DAB1: variants seen among roughly 807,000 people sequenced by gnomAD.
DAB1 encodes the protein DAB adaptor protein 1.
A neutral mutation model predicts 64.6 loss-of-function variants in DAB1; 15 were observed. The observed-to-expected ratio is 0.23, with a 90% CI of 0.16 to 0.36. The LOEUF is 0.36. Among genes scored for constraint, DAB1 ranks in the 10% least tolerant of loss-of-function variants. The probability of loss-of-function intolerance (pLI) is 1.00; values close to 1 mark genes in which losing one functional copy is unlikely to be tolerated. For missense variants in DAB1, 596 were observed against 706.7 expected (o/e 0.84, Z 1.78); for synonymous variants, 235 against 251.9 (o/e 0.93, Z 0.64).
intron 4 of DAB1, among the ~76,000 whole-genome samples, chr1:57,092,907 C>CTTTT (rs1653823821): frequency 6.6e-6 from 1 of 152,088 alleles, no homozygotes; most frequent in Non-Finnish European, 1.5e-5. Context: ...CCTTTCCAGG[C>CTTTT]CTTCCTTTTC....
At chr1:58,235,616 TC>T (rs1299581561) in intron 4 of DAB1, among the ~76,000 whole-genome samples, 3 of 152,166 alleles carry the variant, frequency 2.0e-5, no homozygotes, top group African/African-American at 7.2e-5. Flanking sequence ...AAATGATCTC[TC>T]TTGGTTTCTC....
At chr1:57,125,146 C>T (rs1557765296) in intron 4 of DAB1, among the ~76,000 whole-genome samples, 1 of 152,184 alleles carries the variant, frequency 6.6e-6, no homozygotes, top group Non-Finnish European at 1.5e-5. Context: ...TTTTCCCTCT[C>T]ATCCCTCAGT....
intron 6 of DAB1, among the ~76,000 whole-genome samples, chr1:57,665,847 A>ATC (rs201686723): frequency 0.3 from 35,346 of 118,324 alleles, 5,073 homozygotes; most frequent in Non-Finnish European, 0.39. Context: ...TTTTTTAATT[A>ATC]TCTGTGTGTG....
At chr1:57,913,126 G>A (rs528235920) in intron 5 of DAB1, among the ~76,000 whole-genome samples, 54 of 152,086 alleles carry the variant, frequency 3.6e-4, no homozygotes, top group African/African-American at 5.8e-4. Flanking sequence ...AAAAGAGCCC[G>A]CATTGCCAAA....
At chr1:58,408,937 T>TG in intron 3 of DAB1, among the ~76,000 whole-genome samples, 1 of 152,282 alleles carries the variant, frequency 6.6e-6, no homozygotes, top group Middle Eastern at 3.4e-3. Flanking sequence ...AAAAAAGTTC[T>TG]GGGGGGAACA....
chr1:57,074,243 A>T (rs1057363860), intron 4 of DAB1, among the ~76,000 whole-genome samples: 1 of 152,216 alleles, frequency 6.6e-6, no homozygotes, highest in African/African-American at 2.4e-5. Flanking sequence ...TCTTACTGGC[A>T]CTTAGTTATG....
chr1:57,973,189 C>A (rs1219135796), intron 5 of DAB1, among the ~76,000 whole-genome samples: 1 of 152,048 alleles, frequency 6.6e-6, no homozygotes, highest in Non-Finnish European at 1.5e-5. Flanking sequence ...GAAGACAGGG[C>A]AGAAAGAGAT....
At chr1:58,159,583 C>T (rs1426289674) in intron 4 of DAB1, among the ~76,000 whole-genome samples, 2 of 152,234 alleles carry the variant, frequency 1.3e-5, no homozygotes, top group African/African-American at 2.4e-5. Context: ...CTCAACATTA[C>T]TGCAATGTAA....
chr1:58,450,701 C>A (rs1645125784), intron 3 of DAB1, among the ~76,000 whole-genome samples: 1 of 152,180 alleles, frequency 6.6e-6, no homozygotes, highest in African/African-American at 2.4e-5. Context: ...TTGCAGTGAG[C>A]TGAGATCGCG....
chr1:57,774,949 A>G (rs957745270), intron 6 of DAB1, among the ~76,000 whole-genome samples: 2 of 151,694 alleles, frequency 1.3e-5, no homozygotes, highest in Non-Finnish European at 3.0e-5. Context: ...TCTTTAGTAC[A>G]TATTGAACTA....
At chr1:58,250,131 G>T (rs915933803) in intron 4 of DAB1, among the ~76,000 whole-genome samples, 4 of 152,116 alleles carry the variant, frequency 2.6e-5, no homozygotes, top group African/African-American at 9.7e-5. Flanking sequence ...ACCTCGCCAG[G>T]TCCGGGCAGC....
At chr1:57,552,050 T>C (rs1644920199) in intron 7 of DAB1, among the ~76,000 whole-genome samples, 1 of 152,134 alleles carries the variant, frequency 6.6e-6, no homozygotes, top group Non-Finnish European at 1.5e-5. Flanking sequence ...CTCCTAGGCA[T>C]CCCCCGTTTT....
intron 7 of DAB1, among the ~76,000 whole-genome samples, chr1:57,500,022 T>C (rs1300253691): frequency 1.3e-5 from 2 of 152,214 alleles, no homozygotes; most frequent in Non-Finnish European, 2.9e-5. Context: ...CAATTACCAG[T>C]AAGATATTTA....
chr1:57,565,184 G>A (rs1336727420), intron 7 of DAB1, among the ~76,000 whole-genome samples: 2 of 152,174 alleles, frequency 1.3e-5, no homozygotes, highest in East Asian at 3.8e-4. Flanking sequence ...AGCTTCATAA[G>A]TGAAGGAGAA....
At chr1:57,397,465 C>T (rs968744096) in intron 1 of DAB1, among the ~76,000 whole-genome samples, 1 of 152,124 alleles carries the variant, frequency 6.6e-6, no homozygotes, top group Non-Finnish European at 1.5e-5. Flanking sequence ...CCTAGGGACA[C>T]ACTCTGATTT....
At chr1:58,133,202 T>C (rs931065808) in intron 5 of DAB1, among the ~76,000 whole-genome samples, 13 of 152,204 alleles carry the variant, frequency 8.5e-5, no homozygotes, top group African/African-American at 3.1e-4. Context: ...ACTTGCTTTT[T>C]CCCCACCATG....
At chr1:57,155,883 A>G (rs1660172976) in intron 2 of DAB1, among the ~76,000 whole-genome samples, 2 of 151,932 alleles carry the variant, frequency 1.3e-5, no homozygotes, top group African/African-American at 2.4e-5. Context: ...GTATCCTGCA[A>G]CTTTACTGGT....
intron 7 of DAB1, among the ~76,000 whole-genome samples, chr1:57,475,267 A>G (rs1355094487): frequency 1.3e-5 from 2 of 152,126 alleles, no homozygotes; most frequent in Non-Finnish European, 2.9e-5. Flanking sequence ...ACAGAGCAAG[A>G]CTCTGTCCCA....
rs7536362 is a variant in DAB1 at position 58,056,303 on chromosome 1, C to T, written n.387+94208G>A. On this transcript the variant is annotated intron_variant and non_coding_transcript_variant, in intron 5 of 20. Coordinates refer to the DAB1 transcript ENST00000485760. ...TACAGCTTGGGAAGCACATAGGCAT[C>T]GAAGACGCTCGCTTCAGAAATGTCC... 1.3e-3 allele frequency: 1,897 copies of T among 1,508,684 alleles called. 23 individuals carry two copies. In the African/African-American group the frequency reaches 0.022, roughly 18 times the overall value. 93.5% of individuals were successfully genotyped at this position (1,508,684 alleles called of 1,614,324 possible).
Sources: allele counts gnomAD v4.1 joint callset (sites outside exome capture counted in the v4.1 genomes callset), GRCh38; gene constraint gnomAD v4.1.1; transcripts MANE v1.5; gene names NCBI Gene and HGNC (gene_info 2026-07-23, HGNC 2026-07-21).